The following SAMD9L variants were observed in gnomAD, a reference collection of about 807,000 sequenced individuals.
The protein encoded by SAMD9L is sterile alpha motif domain containing 9 like.
A neutral mutation model predicts 90.7 loss-of-function variants in SAMD9L; 68 were observed. The ratio of observed to expected loss-of-function variants is 0.75; its 90% CI spans 0.62 to 0.92. The LOEUF (loss-of-function observed/expected upper bound fraction) is 0.92, where lower values mean the gene tolerates loss of function less well. Ranked by LOEUF, SAMD9L falls within the 40% of genes least tolerant of loss-of-function variation. SAMD9L has a pLI of 0.00. For synonymous variants in SAMD9L, 640 were observed against 630.1 expected, an observed-to-expected ratio of 1.02 and a Z score of -0.23; for missense variants, 1,604 against 1,824.3, an observed-to-expected ratio of 0.88 and a Z score of 2.20.
intron 4 of SAMD9L, among the ~76,000 whole-genome samples, chr7:93,142,942 T>G (rs1231214256): frequency 6.6e-6 from 1 of 152,204 alleles, no homozygotes; most frequent in Non-Finnish European, 1.5e-5. Context: ...GCTACAGCAA[T>G]TCTTATAGAC....
chr7:93,132,408 T>C lies in SAMD9L; in HGVS notation c.3564A>G (p.Arg1188=), dbSNP rs1408841052. 7 of 1,613,782 alleles carry C rather than the reference T, an allele frequency of 4.3e-6. No individual in the cohort carries two copies. The highest frequency in any genetic ancestry group is 5.9e-6 in the Non-Finnish European group (7 of 1,179,842). Residue 1188 remains arginine (R), a synonymous_variant, in exon 5 of 5, where the codon CGA becomes CGG. Transcript: ENST00000318238. The stretch of plus-strand genomic sequence containing the variant: ...AACAAGCTGTGTTATACATGTCATA[T>C]CGTCTCTGGGACTTCTGTGGTGACC... ...ENWSPQKSQR[R]YDMYNTACFL...
rs1282885997 is a variant in SAMD9L at position 93,135,292 on chromosome 7, G to C, written c.680C>G (p.Ala227Gly). 1.2e-6 allele frequency: 2 copies of C among 1,614,094 alleles called. No individual in the cohort carries two copies. The highest frequency in any genetic ancestry group is 1.7e-5 in the Admixed American group (1 of 60,014). Reference sequence around the variant, plus strand: ...GCCATTGGTGCGTGAATTCATACAAGCTGATGCAAATCGGAAGACTTCATT... The same window carrying C: ...GCCATTGGTGCGTGAATTCATACAACCTGATGCAAATCGGAAGACTTCATT... ...FSNEVFRFAS[A>G]CMNSRTNGTI... Residue 227 changes from alanine to glycine, a missense_variant, in exon 5 of 5, where the codon GCT becomes GGT. Ala to Gly is a moderately conservative substitution (Grantham distance 60). Transcript: ENST00000318238.
chr7:93,146,434 A>G (rs1475422159), intron 2 of SAMD9L, among the ~76,000 whole-genome samples: 1 of 152,210 alleles, frequency 6.6e-6, no homozygotes, highest in African/African-American at 2.4e-5. Context: ...TACAAGCAGC[A>G]AATATTTTAT....
At chr7:93,142,070 C>T (rs1792711521) in intron 4 of SAMD9L, among the ~76,000 whole-genome samples, 1 of 152,152 alleles carries the variant, frequency 6.6e-6, no homozygotes, top group Non-Finnish European at 1.5e-5. Flanking sequence ...GCTCTTCCTC[C>T]AGATGCCAAC....
chr7:93,146,385 T>C (rs1792891203), intron 2 of SAMD9L, among the ~76,000 whole-genome samples: 1 of 152,222 alleles, frequency 6.6e-6, no homozygotes, highest in African/African-American at 2.4e-5. Flanking sequence ...CAACATTTCC[T>C]ATCCCTCTTC....
rs753116710 is a variant in SAMD9L at position 93,133,602 on chromosome 7, C to G, written c.2370G>C (p.Lys790Asn). 6.2e-7 allele frequency: 1 copy of G among 1,613,816 alleles called. No homozygotes were observed. Among genetic ancestry groups the G allele is most frequent in the Non-Finnish European group, 8.5e-7 (1 of 1,179,848 alleles). ...QVINLVTYRAKSHQDYIPVLL... is the reference protein window; with the variant it reads ...QVINLVTYRANSHQDYIPVLL... ...GCACAGGAATGTAATCCTGATGGCT[C>G]TTTGCCCTATAGGTGACCAGATTGA... is the stretch of plus-strand genomic sequence containing the variant. The change falls in exon 5 of 5, where the codon AAG becomes AAC. Residue 790 changes from lysine (K) to asparagine (N), a missense_variant. By Grantham distance (94) the Lys-to-Asn change is moderately conservative. This residue lies in a region of SAMD9L where 606 missense variants were observed against 717.6 expected (regional missense o/e 0.84). Coordinates refer to ENST00000318238, the MANE Select transcript of SAMD9L (RefSeq NM_152703.5).
In SAMD9L at chr7:93,148,233, C is replaced by T. The variant is rs1249913047; in HGVS notation, c.-1082G>A. 3.3e-5 allele frequency: 5 copies of T among 152,130 alleles called. No homozygotes were observed. Among genetic ancestry groups the T allele is most frequent in the Admixed American group, 1.3e-4 (2 of 15,260 alleles). The allele number at this position is 152,130 out of a possible 1,614,324, so 9.4% of individuals were successfully genotyped here. A position where few individuals can be genotyped will look rare whatever the true frequency, so the allele number is the denominator to read the frequency against. Reference sequence around the variant, plus strand: ...AAATGTCATCGTTTTATATCAGAAACTTGAAACAGGCCATTTGAACTTTTG... The same window carrying T: ...AAATGTCATCGTTTTATATCAGAAATTTGAAACAGGCCATTTGAACTTTTG... On this transcript the variant is annotated 5_prime_UTR_variant, in exon 1 of 5. Transcript: ENST00000318238.
At position 93,145,696 on chromosome 7, in the gene SAMD9L, T is replaced by C. The variant is rs1308112956; in HGVS notation, c.-434A>G. The C allele has an allele frequency of 6.6e-6, 1 of 152,184 alleles. No homozygotes were observed. The highest frequency in any genetic ancestry group is 1.5e-5 in the Non-Finnish European group (1 of 68,032). 9.4% of individuals were successfully genotyped at this position (152,184 alleles called of 1,614,324 possible). On this transcript the variant is annotated 5_prime_UTR_variant, in exon 3 of 5. Coordinates refer to ENST00000318238, the MANE Select transcript of SAMD9L (RefSeq NM_152703.5). ...AGATTTTCCCCCCAACTTTCTACTA[T>C]GAAAATGTTTGAACATACAGAAAAT... is the stretch of plus-strand genomic sequence containing the variant.
chr7:93,144,432 A>T (rs542282129), intron 4 of SAMD9L, among the ~76,000 whole-genome samples: 3 of 152,216 alleles, frequency 2.0e-5, no homozygotes, highest in Non-Finnish European at 4.4e-5. Flanking sequence ...ATAATATTAC[A>T]TTGTATTAGG....
intron 4 of SAMD9L, among the ~76,000 whole-genome samples, chr7:93,141,831 T>C (rs758118553): frequency 2.6e-5 from 4 of 152,226 alleles, no homozygotes; most frequent in Non-Finnish European, 4.4e-5. Context: ...TCACTGACTC[T>C]TAGTCAGTGT....
chr7:93,132,174 C>G lies in SAMD9L; in HGVS notation c.3798G>C (p.Arg1266Ser), dbSNP rs1792143805. The G allele has an allele frequency of 1.2e-6, 2 of 1,613,412 alleles. No homozygotes were observed. The highest frequency in any genetic ancestry group is 1.7e-6 in the Non-Finnish European group (2 of 1,179,756). The change falls in exon 5 of 5, where the codon AGG becomes AGC. Residue 1266 changes from arginine (R) to serine (S), a missense_variant. Arg to Ser is a moderately radical substitution (Grantham distance 110, BLOSUM62 -1). Around this residue, in one of 7 missense-constraint regions of SAMD9L, gnomAD observed 302 missense variants for 314.7 expected, o/e 0.96. Transcript: ENST00000318238. ...TATAATCAATAAAAAAGTCAAAGCA[C>G]CTTTTCAGATCTGATTGTAAATTTT... ...HLKNLQSDLK[R>S]CFDFFIDYMV...
rs1161159592 is a variant in SAMD9L at position 93,132,596 on chromosome 7, C to A, written c.3376G>T (p.Val1126Phe). 1.9e-6 allele frequency: 3 copies of A among 1,613,790 alleles called. No homozygotes were observed. The highest frequency in any genetic ancestry group is 2.5e-6 in the Non-Finnish European group (3 of 1,179,828). The change falls in exon 5 of 5, where the codon GTC becomes TTC. Residue 1126 changes from valine to phenylalanine, a missense_variant. Transcript: ENST00000318238. ...NSYISDTLGQ[V>F]YKSEIKWWLD... ...CACCATTTGATTTCACTTTTGTAGA[C>A]TTGACCTAGTGTATCTGAAATATAG...
Position 93,131,971 on chromosome 7 carries a change from GCTT to G in SAMD9L, c.3998_4000del (p.Glu1333del), listed in dbSNP as rs762524880. ...TCCAGCAAACCTATCTGCTCTCAGA[GCTT>G]CTAGCTTTTTCCTGCAATTCTCCTC... On this transcript the variant is annotated inframe_deletion, in exon 5 of 5. Coordinates refer to ENST00000318238, the MANE Select transcript of SAMD9L (RefSeq NM_152703.5). 6.2e-7 allele frequency: 1 copy of G among 1,611,924 alleles called. No individual in the cohort carries two copies. Among genetic ancestry groups the G allele is most frequent in the Non-Finnish European group, 8.5e-7 (1 of 1,179,382 alleles).
intron 1 of SAMD9L, 113 bp downstream of exon 1, chr7:93,148,081 T>C (rs1291755680): frequency 1.3e-5 from 2 of 152,360 alleles, no homozygotes; most frequent in East Asian, 3.9e-4. Context: ...TTTTTATAAG[T>C]AATCGTTTAT....
intron 4 of SAMD9L, among the ~76,000 whole-genome samples, chr7:93,141,607 A>G (rs1340188603): frequency 6.6e-6 from 1 of 152,176 alleles, no homozygotes. Context: ...GTATTAGCAA[A>G]TACTTTCAAT....
intron 2 of SAMD9L, among the ~76,000 whole-genome samples, chr7:93,146,480 A>G (rs1330803338): frequency 6.6e-6 from 1 of 152,180 alleles, no homozygotes; most frequent in African/African-American, 2.4e-5. Flanking sequence ...CCAACCCATT[A>G]TTCTATGCAC....
intron 4 of SAMD9L, among the ~76,000 whole-genome samples, chr7:93,143,019 C>A (rs1422381602): frequency 6.6e-6 from 1 of 152,198 alleles, no homozygotes; most frequent in African/African-American, 2.4e-5. Flanking sequence ...TGCCCAGAGA[C>A]ACTGTGTTTG....
rs749987776 is a variant in SAMD9L at position 93,135,763 on chromosome 7, C to T, written c.209G>A (p.Arg70His). 6.8e-6 allele frequency: 11 copies of T among 1,613,862 alleles called. No homozygotes were observed. In the East Asian group the frequency reaches 8.9e-5, roughly 13 times the overall value. The change falls in exon 5 of 5, where the codon CGT becomes CAT. Residue 70 changes from arginine to histidine, a missense_variant. By Grantham distance (29) the Arg-to-His change is conservative. Around this residue, in one of 7 missense-constraint regions of SAMD9L, gnomAD observed 374 missense variants for 363.6 expected, o/e 1.03. Transcript: ENST00000318238. ...LPWGPALLIK[R>H]SYNKLNSKSP... Reference sequence around the variant, plus strand: ...CTTACTATTCAATTTGTTGTATGAACGTTTTATCAAAAGTGCTGGACCCCA... The same window carrying T: ...CTTACTATTCAATTTGTTGTATGAATGTTTTATCAAAAGTGCTGGACCCCA...
In SAMD9L at chr7:93,131,352, TG is replaced by T. The variant is rs1219831591; in HGVS notation, c.4619del (p.Thr1540LysfsTer5). 6.2e-7 allele frequency: 1 copy of T among 1,613,750 alleles called. No homozygotes were observed. Among genetic ancestry groups the T allele is most frequent in the Non-Finnish European group, 8.5e-7 (1 of 1,179,828 alleles). Reference sequence around the variant, plus strand: ...TTACTGGTATTTTTATTTTTTCCTCTGTTCCATATTCTACAGAGATTAGCTT... The same window carrying T: ...TTACTGGTATTTTTATTTTTTCCTCTTTCCATATTCTACAGAGATTAGCTT... ...EGKLISVEYG[T>X]EEKIKIPVIS... On this transcript the variant is annotated frameshift_variant, in exon 5 of 5. Coordinates refer to ENST00000318238, the MANE Select transcript of SAMD9L (RefSeq NM_152703.5). LOFTEE classifies it high-confidence loss of function.
Sources: gnomAD v4.1 joint callset for allele counts (sites outside exome capture counted in the v4.1 genomes callset) on GRCh38, gnomAD v4.1.1 for gene constraint, gnomAD v4.1.1 regional missense constraint, MANE v1.5 for transcripts, NCBI Gene and HGNC (gene_info 2026-07-23, HGNC 2026-07-21) for gene names.